Variants in SBF2 observed in about 807,000 individuals in gnomAD.
SBF2 encodes myotubularin-related protein 13.
Under a neutral mutation model 225.2 loss-of-function variants are expected in SBF2, and 112 were observed. That is an observed-to-expected ratio of 0.50 (90% CI 0.43 to 0.58). SBF2 has a LOEUF of 0.58. Among genes scored for constraint, SBF2 ranks in the 20% least tolerant of loss-of-function variants. The pLI is 0.00. For missense variants in SBF2, 1,996 were observed against 2,206.2 expected (o/e 0.90, Z 1.91); for synonymous variants, 763 against 773.3 (o/e 0.99, Z 0.22).
At chr11:10,197,227 TGATA>T (rs1485982475) in intron 1 of SBF2, among the ~76,000 whole-genome samples, 4 of 152,152 alleles carry the variant, frequency 2.6e-5, no homozygotes, top group Non-Finnish European at 5.9e-5. Context: ...AGAGGCACTT[TGATA>T]GATAGATTGA....
rs1166081188 is a variant in SBF2, at chr11:9,974,960, C to CAAAA, written c.1396-6419_1396-6416dup. Among the ~76,000 whole-genome samples, 44 of 23,260 alleles carry CAAAA rather than the reference C, an allele frequency of 1.9e-3. 7 individuals carry two copies. The highest frequency in any genetic ancestry group is 3.8e-3 in the African/African-American group (32 of 8,516). The allele number at this position is 23,260 out of a possible 152,430, so 15.3% of individuals were successfully genotyped here. On this transcript the variant is annotated intron_variant, in intron 13 of 39. Transcript: ENST00000256190. ...GGGCAACAACAGCGAAACTTTGACT[C>CAAAA]AAAAAAAAAAAAAAAAAAAAAAAAA...
chr11:9,850,167 C>T lies in SBF2; in HGVS notation c.2662G>A (p.Gly888Ser), dbSNP rs369589966. The change falls in exon 22 of 40, where the codon GGT becomes AGT. Residue 888 changes from glycine to serine, a missense_variant. Physicochemically the swap from Gly to Ser is moderately conservative, Grantham distance 56. Transcript: ENST00000256190. ...TCAGGATCCAGCAAGACTCGAAGAC[C>T]CTCACAGACAATTTCTTCTCCTGGC... ...LLPGEEIVCE[G>S]LRVLLDPDGR... The T allele has an allele frequency of 3.1e-6, 5 of 1,613,862 alleles. No individual in the cohort carries two copies. Among genetic ancestry groups the T allele is most frequent in the Non-Finnish European group, 4.2e-6 (5 of 1,180,028 alleles).
At chr11:10,041,256 G>T (rs1949641624) in intron 3 of SBF2, among the ~76,000 whole-genome samples, 1 of 152,086 alleles carries the variant, frequency 6.6e-6, no homozygotes, top group Admixed American at 6.6e-5. Context: ...TATTCAGATT[G>T]AACTGATAAA....
intron 2 of SBF2, among the ~76,000 whole-genome samples, chr11:10,053,167 T>C (rs1268611415): frequency 2.0e-5 from 3 of 152,124 alleles, no homozygotes; most frequent in Non-Finnish European, 4.4e-5. Flanking sequence ...TATACCATCA[T>C]GTAGATATAG....
intron 2 of SBF2, among the ~76,000 whole-genome samples, chr11:10,183,031 A>T (rs1381866673): frequency 6.6e-6 from 1 of 152,086 alleles, no homozygotes; most frequent in Non-Finnish European, 1.5e-5. Context: ...TCGGCCTCCC[A>T]AAGTGCTGGG....
At chr11:10,102,385 T>G (rs1178228096) in intron 2 of SBF2, among the ~76,000 whole-genome samples, 13 of 152,172 alleles carry the variant, frequency 8.5e-5, no homozygotes, top group Non-Finnish European at 4.4e-5. Context: ...AAAATAAAAG[T>G]TGCTAAGAGT....
At chr11:10,095,026 A>G (rs1401399820) in intron 2 of SBF2, among the ~76,000 whole-genome samples, 2 of 152,064 alleles carry the variant, frequency 1.3e-5, no homozygotes, top group Non-Finnish European at 2.9e-5. Flanking sequence ...AATATATAAA[A>G]TATATCCTAC....
intron 1 of SBF2, among the ~76,000 whole-genome samples, chr11:10,234,566 T>A (rs1958985401): frequency 6.6e-6 from 1 of 152,204 alleles, no homozygotes; most frequent in Non-Finnish European, 1.5e-5. Context: ...CTAAATTTTG[T>A]CAAGATGATA....
intron 13 of SBF2, among the ~76,000 whole-genome samples, chr11:9,969,573 A>G (rs1456496637): frequency 6.6e-6 from 1 of 152,144 alleles, no homozygotes; most frequent in Non-Finnish European, 1.5e-5. Context: ...AAGCCTTTGC[A>G]CTTAACTGTT....
chr11:10,044,786 C>T (rs1163214797), intron 2 of SBF2, among the ~76,000 whole-genome samples: 3 of 152,236 alleles, frequency 2.0e-5, no homozygotes, highest in African/African-American at 7.2e-5. Flanking sequence ...AGAAGAACCA[C>T]TTCTACCCGC....
chr11:10,084,022 C>T (rs1233323047), intron 2 of SBF2, among the ~76,000 whole-genome samples: 1 of 152,046 alleles, frequency 6.6e-6, no homozygotes, highest in Non-Finnish European at 1.5e-5. Context: ...AACCAAAAAG[C>T]TTATGCACAG....
At chr11:10,033,308 G>GT (rs1949326802) in intron 3 of SBF2, among the ~76,000 whole-genome samples, 1 of 152,100 alleles carries the variant, frequency 6.6e-6, no homozygotes, top group Admixed American at 6.5e-5. Flanking sequence ...GCCAGCTAGA[G>GT]TAAGTAGATA....
chr11:9,882,817 A>AG lies in SBF2; in HGVS notation c.1929+13125_1929+13126insC, dbSNP rs1284688112. ...AGTCAAAAAAAAAAAAAAAAAAAAA[A>AG]AAACCACCAAAAAAAACCCATTATC... is the stretch of plus-strand genomic sequence containing the variant. On this transcript the variant is annotated intron_variant, in intron 17 of 39. Coordinates refer to ENST00000256190, the MANE Select transcript of SBF2 (RefSeq NM_030962.4). 2.0e-5 allele frequency among the ~76,000 whole-genome samples: 3 copies of AG among 150,960 alleles called. No homozygotes were observed. In the East Asian group the frequency reaches 5.8e-4, roughly 29 times the overall value.
intron 13 of SBF2, among the ~76,000 whole-genome samples, chr11:9,977,539 C>T (rs1357129396): frequency 6.6e-6 from 1 of 151,078 alleles, no homozygotes; most frequent in Non-Finnish European, 1.5e-5. Flanking sequence ...GAAGTAGTTA[C>T]TTGTGTTCTC....
intron 17 of SBF2, among the ~76,000 whole-genome samples, chr11:9,861,992 G>A (rs763143444): frequency 3.3e-5 from 5 of 152,188 alleles, no homozygotes; most frequent in Non-Finnish European, 7.3e-5. Flanking sequence ...TGTTTACTAG[G>A]TGAGCATTAC....
chr11:10,221,310 G>A (rs1038430445), intron 1 of SBF2, among the ~76,000 whole-genome samples: 1 of 151,608 alleles, frequency 6.6e-6, no homozygotes. Flanking sequence ...TAGAGATAGT[G>A]TTTCACCATG....
At chr11:10,104,190 G>C (rs1952450387) in intron 2 of SBF2, among the ~76,000 whole-genome samples, 1 of 152,126 alleles carries the variant, frequency 6.6e-6, no homozygotes, top group East Asian at 1.9e-4. Context: ...GGTCAGAGAA[G>C]ATACTTTGTA....
chr11:9,933,487 A>C (rs1046021326), intron 16 of SBF2, among the ~76,000 whole-genome samples: 4 of 152,218 alleles, frequency 2.6e-5, no homozygotes, highest in African/African-American at 9.7e-5. Flanking sequence ...ATCAAATTAG[A>C]ACTCAAGATT....
chr11:9,816,964 TC>T lies in SBF2; in HGVS notation c.3853del (p.Asp1285MetfsTer26). Reference sequence around the variant, plus strand: ...CTTGCCTGCCAGCCGGGCGCCAACATCAATGAAGGATGTTGGAGAGCTGATC... The same window carrying T: ...CTTGCCTGCCAGCCGGGCGCCAACATAATGAAGGATGTTGGAGAGCTGATC... ...RLISSPTSFIDVGARLAGKDH... is the reference protein window; with the variant it reads ...RLISSPTSFIXVGARLAGKDH... On this transcript the variant is annotated frameshift_variant, in exon 29 of 40. Transcript: ENST00000256190. LOFTEE classifies it high-confidence loss of function. 1 of 1,614,130 alleles carries T rather than the reference TC, an allele frequency of 6.2e-7. No individual in the cohort carries two copies. Among genetic ancestry groups the T allele is most frequent in the East Asian group, 2.2e-5 (1 of 44,880 alleles).
Sources: allele counts gnomAD v4.1 joint callset (sites outside exome capture counted in the v4.1 genomes callset), GRCh38; gene constraint gnomAD v4.1.1; transcripts MANE v1.5; gene names NCBI Gene and HGNC (gene_info 2026-07-23, HGNC 2026-07-21).